The following SLC8A1 variants were observed in gnomAD, a reference collection of about 807,000 sequenced individuals.
SLC8A1 encodes the protein solute carrier family 8 member A1.
SLC8A1 carries 18 observed loss-of-function variants against 68.3 expected under a neutral mutation model. The observed-to-expected ratio is 0.26, with a 90% confidence interval of 0.18 to 0.39. The LOEUF (loss-of-function observed/expected upper bound fraction) is 0.39, where lower values mean the gene tolerates loss of function less well. SLC8A1 is among the 10% of genes least tolerant of loss of function. The probability of loss-of-function intolerance (pLI) is 1.00; values close to 1 mark genes in which losing one functional copy is unlikely to be tolerated. For synonymous variants in SLC8A1, 475 were observed against 415.5 expected (o/e 1.14, Z -1.74); for missense variants, 985 against 1,156.7 (o/e 0.85, Z 2.15).
At position 40,419,242 on chromosome 2, in the gene SLC8A1, G is replaced by C. The variant is rs536514153; in HGVS notation, c.1808+9231C>G. 3.3e-5 allele frequency among the ~76,000 whole-genome samples: 5 copies of C among 152,248 alleles called. No homozygotes were observed. In the East Asian group the frequency reaches 9.7e-4, roughly 29 times the overall value. On this transcript the variant is annotated intron_variant, in intron 2 of 7. Transcript: ENST00000406785. ...TTCTGGATTCCACCGGCTACTTCTG[G>C]CTTCTCAAACACACTCAGGCACGTA... is the stretch of plus-strand genomic sequence containing the variant.
At chr2:40,165,179 G>C (rs2046340189) in intron 4 of SLC8A1, among the ~76,000 whole-genome samples, 195 bp from the exon 8 acceptor site, 1 of 152,190 alleles carries the variant, frequency 6.6e-6, no homozygotes, top group Admixed American at 6.5e-5. Flanking sequence ...GTGAGAGCAA[G>C]TGATTATAAC....
intron 1 of SLC8A1, among the ~76,000 whole-genome samples, chr2:40,495,900 T>A (rs1250063977): frequency 2.0e-5 from 3 of 152,044 alleles, no homozygotes; most frequent in African/African-American, 7.2e-5. Flanking sequence ...CTGTCAATGA[T>A]TCAGTTGGTA....
At chr2:40,359,987 T>C (rs377076272) in intron 2 of SLC8A1, among the ~76,000 whole-genome samples, 31 of 151,368 alleles carry the variant, frequency 2.0e-4, no homozygotes, top group African/African-American at 6.3e-4. Context: ...GAGTCTGTGG[T>C]AGGGCTGCTC....
At position 40,385,327 on chromosome 2, in the gene SLC8A1, T is replaced by A. The variant is rs900438950; in HGVS notation, c.1808+43146A>T. ...AACTCTGGGCTTTTCTCCTTCTCCT[T>A]CAGTGATCAGCCACACTTAAAGAAA... is the stretch of plus-strand genomic sequence containing the variant. On this transcript the variant is annotated intron_variant, in intron 2 of 7. Transcript: ENST00000406785. Among the ~76,000 whole-genome samples, 29 of 146,568 alleles carry A rather than the reference T, an allele frequency of 2.0e-4. 1 individual carries two copies. The highest frequency in any genetic ancestry group is 8.0e-4 in the African/African-American group (29 of 36,354).
At chr2:40,210,209 G>A (rs951006369) in intron 2 of SLC8A1, among the ~76,000 whole-genome samples, 1 of 152,132 alleles carries the variant, frequency 6.6e-6, no homozygotes, top group African/African-American at 2.4e-5. Flanking sequence ...TGTAGCAAGA[G>A]GGCCTGACAA....
In SLC8A1 at chr2:40,292,446, T is replaced by C. The variant is rs553195276; in HGVS notation, c.1809-114591A>G. Among the ~76,000 whole-genome samples, 8 of 152,314 alleles carry C rather than the reference T, an allele frequency of 5.3e-5. No homozygotes were observed. In the South Asian group the frequency reaches 1.7e-3, roughly 32 times the overall value. ...TGTCTCCAGTGTCTAAGCTAGATTT[T>C]TGGGTTATGCTGCTGTGGAACAGCT... On this transcript the variant is annotated intron_variant, in intron 2 of 7. Coordinates refer to ENST00000406785, the Ensembl canonical transcript of SLC8A1.
intron 1 of SLC8A1, among the ~76,000 whole-genome samples, chr2:40,474,479 G>T (rs1224073806): frequency 2.0e-5 from 3 of 152,088 alleles, no homozygotes; most frequent in Admixed American, 2.0e-4. Flanking sequence ...TACTTCCTAA[G>T]GTTTTAATGT....
intron 2 of SLC8A1, among the ~76,000 whole-genome samples, chr2:40,267,568 A>G (rs1172147657): frequency 2.0e-5 from 3 of 152,192 alleles, no homozygotes; most frequent in Non-Finnish European, 4.4e-5. Flanking sequence ...AAATATGTGT[A>G]TTGACTGTCT....
chr2:40,382,898 T>G (rs979651405), intron 2 of SLC8A1, among the ~76,000 whole-genome samples: 5 of 152,150 alleles, frequency 3.3e-5, no homozygotes, highest in African/African-American at 1.2e-4. Context: ...ATTATAATTA[T>G]GTCTTTCTTG....
At chr2:40,475,606 G>T (rs143557185) in intron 1 of SLC8A1, among the ~76,000 whole-genome samples, 2 of 151,908 alleles carry the variant, frequency 1.3e-5, no homozygotes, top group East Asian at 3.9e-4. Flanking sequence ...CATGACATAT[G>T]TACATGTACA....
intron 2 of SLC8A1, among the ~76,000 whole-genome samples, chr2:40,311,146 A>T (rs1424790564): frequency 1.3e-5 from 2 of 152,132 alleles, no homozygotes; most frequent in Admixed American, 6.6e-5. Flanking sequence ...GAAATGAATG[A>T]GGTCCCCAAC....
chr2:40,333,308 T>C (rs964053423), intron 2 of SLC8A1, among the ~76,000 whole-genome samples: 6 of 151,838 alleles, frequency 4.0e-5, no homozygotes, highest in Non-Finnish European at 8.8e-5. Flanking sequence ...TGTGGTGGCA[T>C]GTGCCTGTAG....
chr2:40,348,782 G>A (rs1250628059), intron 2 of SLC8A1, among the ~76,000 whole-genome samples: 2 of 152,284 alleles, frequency 1.3e-5, no homozygotes, highest in East Asian at 1.9e-4. Context: ...ACAGAGGGAA[G>A]CGGTATTCAG....
At chr2:40,131,546 G>A (rs2039336571) in intron 7 of SLC8A1, among the ~76,000 whole-genome samples, 1 of 152,198 alleles carries the variant, frequency 6.6e-6, no homozygotes, top group African/African-American at 2.4e-5. Flanking sequence ...CCTCTCTGCT[G>A]TTAAGAGTAG....
intron 2 of SLC8A1, among the ~76,000 whole-genome samples, chr2:40,315,238 T>C (rs955238089): frequency 1.3e-5 from 2 of 152,012 alleles, no homozygotes; most frequent in Non-Finnish European, 2.9e-5. Context: ...TTTCAATATC[T>C]ATTGAGATGA....
chr2:40,382,824 T>C (rs1238636463), intron 2 of SLC8A1, among the ~76,000 whole-genome samples: 2 of 152,158 alleles, frequency 1.3e-5, no homozygotes, highest in African/African-American at 4.8e-5. Context: ...ATGTCTATTT[T>C]AAAATTATTT....
At chr2:40,471,754 T>G (rs1366949984) in intron 1 of SLC8A1, among the ~76,000 whole-genome samples, 1 of 152,184 alleles carries the variant, frequency 6.6e-6, no homozygotes. Flanking sequence ...GAAACAAATT[T>G]TTTGAAATTA....
rs143897981 is a variant in SLC8A1 at position 40,125,067 on chromosome 2, A to G, written c.2438-9438T>C. Among the ~76,000 whole-genome samples, 249 of 152,352 alleles carry G rather than the reference A, an allele frequency of 1.6e-3. 2 individuals carry two copies. The highest frequency in any genetic ancestry group is 0.01 in the Admixed American group (157 of 15,300). On this transcript the variant is annotated intron_variant, in intron 7 of 7. Transcript: ENST00000406785. ...TTAACATTTTCTATTTACAAAGAGC[A>G]TGTATTGTTTATTGCTTGTGCTACT...
At chr2:40,241,568 C>A (rs1263047033) in intron 2 of SLC8A1, among the ~76,000 whole-genome samples, 1 of 152,318 alleles carries the variant, frequency 6.6e-6, no homozygotes, top group East Asian at 1.9e-4. Flanking sequence ...AAATACCTGT[C>A]CCCCTTTGAC....
Sources: allele counts gnomAD v4.1 joint callset (sites outside exome capture counted in the v4.1 genomes callset), GRCh38; gene constraint gnomAD v4.1.1; transcripts MANE v1.5; gene names NCBI Gene and HGNC (gene_info 2026-07-23, HGNC 2026-07-21).